MYRIP: variants seen among roughly 807,000 people sequenced by gnomAD.
MYRIP encodes the protein rab effector MyRIP.
Under a neutral mutation model 98.0 loss-of-function variants are expected in MYRIP, and 49 were observed. The ratio of observed to expected loss-of-function variants is 0.50; its 90% confidence interval spans 0.40 to 0.63. MYRIP has a LOEUF of 0.63. Ranked by LOEUF, MYRIP falls within the 30% of genes least tolerant of loss-of-function variation. MYRIP has a pLI of 0.00. For missense variants in MYRIP, 1,004 were observed against 1,058.2 expected (o/e 0.95, Z 0.71); for synonymous variants, 404 against 409.5 (o/e 0.99, Z 0.16).
intron 2 of MYRIP, among the ~76,000 whole-genome samples, chr3:39,976,685 C>A (rs528851968): frequency 7.2e-4 from 109 of 152,244 alleles, no homozygotes; most frequent in African/African-American, 2.4e-3. Context: ...GAAAATATGG[C>A]ACATATACAC....
chr3:39,871,989 A>G (rs1942804484), intron 1 of MYRIP, among the ~76,000 whole-genome samples: 1 of 152,038 alleles, frequency 6.6e-6, no homozygotes, highest in Admixed American at 6.6e-5. Flanking sequence ...CACACCATAG[A>G]TGCTTGAAGC....
At chr3:39,940,272 T>C (rs1944755396) in intron 2 of MYRIP, among the ~76,000 whole-genome samples, 1 of 152,124 alleles carries the variant, frequency 6.6e-6, no homozygotes, top group African/African-American at 2.4e-5. Context: ...GAATATACGT[T>C]TGTGTTTAAA....
At position 40,117,857 on chromosome 3, in the gene MYRIP, C is replaced by T. The variant is rs537399114; in HGVS notation, c.333-33191C>T. On this transcript the variant is annotated intron_variant, in intron 3 of 16. Coordinates refer to ENST00000302541, the MANE Select transcript of MYRIP (RefSeq NM_015460.4). ...AATACAAAGAAGAAATCATGAGAGG[C>T]CTTACTATGGCCCCAAACCAGAAGC... Among the ~76,000 whole-genome samples, 18 of 152,284 alleles carry T rather than the reference C, an allele frequency of 1.2e-4. 1 individual carries two copies. The South Asian group carries it at 3.7e-3, about 32-fold the overall frequency.
At chr3:39,812,944 T>C (rs1412837167) in intron 1 of MYRIP, among the ~76,000 whole-genome samples, 2 of 152,224 alleles carry the variant, frequency 1.3e-5, no homozygotes, top group East Asian at 3.8e-4. Context: ...CAGCTCTTTA[T>C]GAAGATGGCC....
chr3:40,118,327 A>G (rs1949325347), intron 3 of MYRIP, among the ~76,000 whole-genome samples: 1 of 152,330 alleles, frequency 6.6e-6, no homozygotes, highest in Middle Eastern at 3.4e-3. Flanking sequence ...GTATCTTTCA[A>G]CCTTGCTATT....
chr3:39,886,459 A>T (rs1943306758), intron 1 of MYRIP, among the ~76,000 whole-genome samples: 1 of 149,564 alleles, frequency 6.7e-6, no homozygotes, highest in Admixed American at 6.6e-5. Flanking sequence ...ACGTGCAGAG[A>T]CACACATAGG....
At chr3:39,881,540 G>A (rs184380734) in intron 1 of MYRIP, among the ~76,000 whole-genome samples, 18 of 152,244 alleles carry the variant, frequency 1.2e-4, no homozygotes, top group Admixed American at 7.9e-4. Context: ...AACAAGTACG[G>A]ACAGTGAGTC....
chr3:40,071,708 T>G (rs1040364912), intron 3 of MYRIP, among the ~76,000 whole-genome samples: 6 of 152,062 alleles, frequency 3.9e-5, no homozygotes, highest in Non-Finnish European at 8.8e-5. Context: ...GGTGGAGAGA[T>G]GAGGTACTCC....
chr3:40,193,158 C>T (rs1025787102), intron 10 of MYRIP, among the ~76,000 whole-genome samples: 1 of 152,140 alleles, frequency 6.6e-6, no homozygotes, highest in Non-Finnish European at 1.5e-5. Flanking sequence ...GCACACAGAC[C>T]TAGGCATTCA....
At position 40,258,226 on chromosome 3, in the gene MYRIP, A is replaced by G; in HGVS notation, c.*60A>G. On this transcript the variant is annotated 3_prime_UTR_variant, in exon 17 of 17. Transcript: ENST00000302541. ...TCCGGCCGTACACGACAGTGCCTTG[A>G]CCCAACAGCCATCGAGTACTGTATG... 1 of 1,595,408 alleles carries G rather than the reference A, an allele frequency of 6.3e-7. No individual in the cohort carries two copies. The highest frequency in any genetic ancestry group is 8.6e-7 in the Non-Finnish European group (1 of 1,163,116).
chr3:39,993,556 G>A (rs1444298196), intron 2 of MYRIP, among the ~76,000 whole-genome samples: 1 of 152,168 alleles, frequency 6.6e-6, no homozygotes, highest in Non-Finnish European at 1.5e-5. Flanking sequence ...ACAAGAGTCA[G>A]TGGGCCCTGA....
intron 2 of MYRIP, among the ~76,000 whole-genome samples, chr3:40,001,821 G>A (rs543884961): frequency 1.3e-5 from 2 of 152,324 alleles, no homozygotes; most frequent in African/African-American, 4.8e-5. Flanking sequence ...AACCGGGATA[G>A]TGATAGTGGC....
intron 1 of MYRIP, among the ~76,000 whole-genome samples, chr3:39,857,827 A>G (rs1031231259): frequency 6.6e-6 from 1 of 152,202 alleles, no homozygotes; most frequent in Non-Finnish European, 1.5e-5. Flanking sequence ...ATAGGATATT[A>G]TAGCTATAAG....
chr3:39,881,305 C>T (rs1218007747), intron 1 of MYRIP, among the ~76,000 whole-genome samples: 1 of 152,108 alleles, frequency 6.6e-6, no homozygotes, highest in African/African-American at 2.4e-5. Flanking sequence ...GCTGTTTACT[C>T]ATATTTAAGA....
rs533533612 is a variant in MYRIP, at chr3:40,010,282, C to T, written c.111-33768C>T. Among the ~76,000 whole-genome samples, 8 of 152,300 alleles carry T rather than the reference C, an allele frequency of 5.3e-5. No individual in the cohort carries two copies. In the East Asian group the frequency reaches 9.6e-4, roughly 18 times the overall value. ...GCCAAGACTTGAGGAGTTAGGGTCA[C>T]CAGGAACTCACGGAAAGCTGGCCTC... On this transcript the variant is annotated intron_variant, in intron 2 of 16. Coordinates refer to ENST00000302541, the MANE Select transcript of MYRIP (RefSeq NM_015460.4).
At chr3:39,841,641 C>T (rs901476018) in intron 1 of MYRIP, among the ~76,000 whole-genome samples, 1 of 151,976 alleles carries the variant, frequency 6.6e-6, no homozygotes, top group Admixed American at 6.6e-5. Flanking sequence ...GGGTTTGTGC[C>T]ATTGGGGTCC....
At chr3:40,254,870 G>T (rs1341003040) in intron 16 of MYRIP, among the ~76,000 whole-genome samples, 1 of 152,214 alleles carries the variant, frequency 6.6e-6, no homozygotes, top group African/African-American at 2.4e-5. Flanking sequence ...GGCAGATCAT[G>T]TCTGAGATGA....
chr3:40,082,128 C>A (rs1259168459), intron 3 of MYRIP, among the ~76,000 whole-genome samples: 3 of 152,102 alleles, frequency 2.0e-5, no homozygotes, highest in Non-Finnish European at 1.5e-5. Flanking sequence ...GGAAAGAGAA[C>A]CCTTGTACAC....
intron 1 of MYRIP, among the ~76,000 whole-genome samples, chr3:39,881,959 C>T (rs1272235016): frequency 6.6e-6 from 1 of 151,502 alleles, no homozygotes; most frequent in Non-Finnish European, 1.5e-5. Flanking sequence ...GTTTTTTTCC[C>T]ATCTTTTTTC....
Sources: gnomAD v4.1 joint callset for allele counts (sites outside exome capture counted in the v4.1 genomes callset) on GRCh38, gnomAD v4.1.1 for gene constraint, MANE v1.5 for transcripts, NCBI Gene and HGNC (gene_info 2026-07-23, HGNC 2026-07-21) for gene names.